The following REV1 variants were observed in gnomAD, a reference collection of about 807,000 sequenced individuals.
The protein encoded by REV1 is REV1 DNA directed polymerase.
A neutral mutation model predicts 137.4 loss-of-function variants in REV1; 42 were observed. The observed-to-expected ratio is 0.31, with a 90% CI of 0.24 to 0.40. REV1 has a LOEUF of 0.40. REV1 is among the 10% of genes least tolerant of loss of function. REV1 has a pLI of 1.00. For synonymous variants in REV1, 524 were observed against 519.2 expected (o/e 1.01, Z -0.12); for missense variants, 1,282 against 1,490.1 (o/e 0.86, Z 2.30).
At chr2:99,411,552 G>A (rs978987411) in intron 13 of REV1, among the ~76,000 whole-genome samples, 9 of 151,350 alleles carry the variant, frequency 5.9e-5, no homozygotes, top group African/African-American at 9.7e-5. Flanking sequence ...GATTGCAGGC[G>A]CCTGCCACAA....
rs539823384 is a variant in REV1 at position 99,401,228 on chromosome 2, T to G, written c.*13A>C. Reference sequence around the variant, plus strand: ...GCACAGCTATCAGAGAGCATCAGGCTCTCTGGTAATATTTATGTAACTTTT... The same window carrying G: ...GCACAGCTATCAGAGAGCATCAGGCGCTCTGGTAATATTTATGTAACTTTT... On this transcript the variant is annotated 3_prime_UTR_variant, in exon 23 of 23. Transcript: ENST00000258428. 6.6e-7 allele frequency: 1 copy of G among 1,522,650 alleles called. No individual in the cohort carries two copies. Among genetic ancestry groups the G allele is most frequent in the African/African-American group, 1.4e-5 (1 of 73,150 alleles). The allele number at this position is 1,522,650 out of a possible 1,614,324, so 94.3% of individuals were successfully genotyped here.
intron 1 of REV1, among the ~76,000 whole-genome samples, chr2:99,489,482 C>T (rs1266564765): frequency 1.4e-5 from 2 of 146,708 alleles, no homozygotes; most frequent in Non-Finnish European, 3.0e-5. Context: ...TGCGGCCGGG[C>T]GCGGAGGGAA....
rs1011640223 is a variant in REV1, at chr2:99,469,938, G to A, written c.-10-4953C>T. Reference sequence around the variant, plus strand: ...AGATCGAGACCATACTGGCTAAAACGGTGAAACCCCGTCTCTACTAAAAAT... The same window carrying A: ...AGATCGAGACCATACTGGCTAAAACAGTGAAACCCCGTCTCTACTAAAAAT... On this transcript the variant is annotated intron_variant, in intron 1 of 22. Transcript: ENST00000258428. Among the ~76,000 whole-genome samples, 26 of 151,880 alleles carry A rather than the reference G, an allele frequency of 1.7e-4. 1 individual carries two copies. The highest frequency in any genetic ancestry group is 3.5e-4 in the Non-Finnish European group (24 of 67,984).
rs3792138 is a variant in REV1 at position 99,444,537 on chromosome 2, A to G, written c.351-2068T>C. Among the ~76,000 whole-genome samples, 124 of 152,352 alleles carry G rather than the reference A, an allele frequency of 8.1e-4. 2 individuals are homozygous for G. The East Asian group carries it at 0.017, about 21-fold the overall frequency. ...CCACCCACAGAATTCTTAGGCTTAC[A>G]TAAGTCAGTCCATGGAGACTGCTAC... On this transcript the variant is annotated intron_variant, in intron 4 of 22. Transcript: ENST00000258428.
At chr2:99,411,516 C>T (rs1215416841) in intron 13 of REV1, among the ~76,000 whole-genome samples, 1 of 151,050 alleles carries the variant, frequency 6.6e-6, no homozygotes, top group African/African-American at 2.4e-5. Context: ...AAGTGATTCT[C>T]CTTCCTCAGC....
intron 6 of REV1, among the ~76,000 whole-genome samples, chr2:99,437,572 AAAC>A (rs1387183944): frequency 2.6e-5 from 4 of 152,212 alleles, no homozygotes; most frequent in African/African-American, 7.2e-5. Context: ...AACATAATGC[AAAC>A]AACTCAAAAT....
In REV1 at chr2:99,462,621, C is replaced by T. The variant is rs1395924847; in HGVS notation, c.56G>A (p.Gly19Asp). ...RAENDGWETW[G>D]GYMAAKVQKL... is the part of the protein sequence containing the mutation. ...CTGGACCTTGGCAGCCATATACCCA[C>T]CCTAGAATTAAAGAAAAGGTAAACC... Residue 19 changes from glycine (G) to aspartate (D), a missense_variant and splice_region_variant, in exon 3 of 23, where the codon GGT becomes GAT. Physicochemically the swap from Gly to Asp is moderately conservative, Grantham distance 94 (BLOSUM62 -1). Transcript: ENST00000258428. The T allele has an allele frequency of 4.4e-6, 7 of 1,601,026 alleles. No individual in the cohort carries two copies. The South Asian group carries it at 8.0e-5, about 18-fold the overall frequency.
At chr2:99,454,959 A>G (rs1174546160) in intron 3 of REV1, among the ~76,000 whole-genome samples, 1 of 152,342 alleles carries the variant, frequency 6.6e-6, no homozygotes, top group East Asian at 1.9e-4. Flanking sequence ...ATGCCACCAT[A>G]TAACATCAAA....
At chr2:99,412,013 C>T (rs28382947) in intron 13 of REV1, among the ~76,000 whole-genome samples, 25,147 of 151,082 alleles carry the variant, frequency 0.17, 2,699 homozygotes, top group African/African-American at 0.28. Flanking sequence ...GCGGGCAGAT[C>T]ACAAGGTCAG....
chr2:99,449,586 A>C, intron 3 of REV1, 82 bp from the exon 4 acceptor site: 1 of 621,590 alleles, frequency 1.6e-6, no homozygotes, highest in Non-Finnish European at 2.4e-6. Context: ...AAATAGGTCA[A>C]CTTTAAGAAT....
chr2:99,478,145 A>G (rs995592210), intron 1 of REV1, among the ~76,000 whole-genome samples: 1 of 152,186 alleles, frequency 6.6e-6, no homozygotes, highest in African/African-American at 2.4e-5. Flanking sequence ...CTGAGGCAGG[A>G]GGATCACTTA....
At chr2:99,465,929 T>C (rs934667589) in intron 1 of REV1, among the ~76,000 whole-genome samples, 2 of 152,108 alleles carry the variant, frequency 1.3e-5, no homozygotes, top group African/African-American at 4.8e-5. Context: ...ATAATTTCTT[T>C]CTTTCTTTTT....
chr2:99,406,521 G>C, intron 15 of REV1, 31 bp from the exon 16 acceptor site: 1 of 1,510,168 alleles, frequency 6.6e-7, no homozygotes. Flanking sequence ...TATGCTTCTA[G>C]GAAAACTAAA....
At chr2:99,406,266 G>T in intron 16 of REV1, 59 bp downstream of exon 16, 1 of 1,506,018 alleles carries the variant, frequency 6.6e-7, no homozygotes, top group Non-Finnish European at 8.9e-7. Context: ...AAAACCAACT[G>T]CCGTCTTTCC....
chr2:99,482,461 A>G (rs1380852041), intron 1 of REV1, among the ~76,000 whole-genome samples: 1 of 152,222 alleles, frequency 6.6e-6, no homozygotes, highest in Non-Finnish European at 1.5e-5. Flanking sequence ...GAGTGTGGAT[A>G]ACCTGCAAGT....
chr2:99,449,470 C>T lies in REV1; in HGVS notation c.216G>A (p.Met72Ile), dbSNP rs370682495. ...ATACATGGTATTGACCTCCATGCAA[C>T]ATCATTAGTTTTCTCAATTCCTCAG... ...PSAEELRKLM[M>I]LHGGQYHVYY... is the part of the protein sequence containing the mutation. The change falls in exon 4 of 23, where the codon ATG becomes ATA. Residue 72 changes from methionine to isoleucine, a missense_variant. By Grantham distance (10) the Met-to-Ile change is conservative. Around this residue, in one of 7 missense-constraint regions of REV1, gnomAD observed 107 missense variants for 164.3 expected, o/e 0.65. Transcript: ENST00000258428. The T allele has an allele frequency of 6.6e-7, 1 of 1,505,234 alleles. No individual in the cohort carries two copies. Among genetic ancestry groups the T allele is most frequent in the Non-Finnish European group, 8.8e-7 (1 of 1,132,140 alleles). The allele number at this position is 1,505,234 out of a possible 1,614,324, so 93.2% of individuals were successfully genotyped here. A position where few individuals can be genotyped will look rare whatever the true frequency, so the allele number is the denominator to read the frequency against.
intron 2 of REV1, among the ~76,000 whole-genome samples, chr2:99,463,789 A>C (rs1013720593): frequency 6.6e-5 from 10 of 151,936 alleles, no homozygotes; most frequent in Admixed American, 5.9e-4. Flanking sequence ...ATGCCCAGCT[A>C]ATTTTTGTAT....
At chr2:99,424,479 G>A (rs1277482640) in intron 9 of REV1, 199 bp from the exon 10 acceptor site, 1 of 592,250 alleles carries the variant, frequency 1.7e-6, no homozygotes, top group African/African-American at 1.9e-5. Context: ...TAGTGTAAAT[G>A]ACACATGTAG....
chr2:99,431,659 A>G, intron 8 of REV1: 2 of 860,892 alleles, frequency 2.3e-6, no homozygotes, highest in Non-Finnish European at 2.8e-6. Flanking sequence ...TGAGGAGAGA[A>G]CAGTCTCTGT....
Sources: allele counts gnomAD v4.1 joint callset (sites outside exome capture counted in the v4.1 genomes callset), GRCh38; gene constraint gnomAD v4.1.1; regional missense constraint gnomAD v4.1.1; transcripts MANE v1.5; gene names NCBI Gene and HGNC (gene_info 2026-07-23, HGNC 2026-07-21).